MARCHF1: variants seen among roughly 807,000 people sequenced by gnomAD.
The protein encoded by MARCHF1 is E3 ubiquitin-protein ligase MARCHF1.
In MARCHF1, 40 loss-of-function variants were observed where a neutral mutation model predicts 54.2. The observed-to-expected ratio is 0.74, with a 90% CI of 0.57 to 0.96. The LOEUF (loss-of-function observed/expected upper bound fraction) is 0.96. Among genes scored for constraint, MARCHF1 ranks in the 40% least tolerant of loss-of-function variants. MARCHF1 has a pLI of 0.00. For missense variants in MARCHF1, 586 were observed against 656.5 expected (o/e 0.89, Z 1.17); for synonymous variants, 236 against 236.3 (o/e 1.00, Z 0.01).
chr4:164,315,917 G>A (rs182479092), intron 1 of MARCHF1, among the ~76,000 whole-genome samples: 1 of 152,274 alleles, frequency 6.6e-6, no homozygotes, highest in Admixed American at 6.5e-5. Flanking sequence ...ATACAGAGTA[G>A]AGGTTATGAG....
chr4:163,850,083 G>A (rs777479161), intron 4 of MARCHF1, among the ~76,000 whole-genome samples: 2 of 152,180 alleles, frequency 1.3e-5, no homozygotes, highest in Non-Finnish European at 2.9e-5. Context: ...TGTTTATCCT[G>A]TTTCTGTCAG....
At chr4:164,234,612 T>A (rs1265203352) in intron 1 of MARCHF1, among the ~76,000 whole-genome samples, 1 of 152,170 alleles carries the variant, frequency 6.6e-6, no homozygotes, top group East Asian at 1.9e-4. Context: ...TGAAATCTTA[T>A]AATGGATTGA....
chr4:163,639,675 C>A (rs1742483153), intron 5 of MARCHF1, among the ~76,000 whole-genome samples: 1 of 152,080 alleles, frequency 6.6e-6, no homozygotes, highest in Non-Finnish European at 1.5e-5. Flanking sequence ...GCTTGTCTAC[C>A]AGGTCTTTGT....
At chr4:164,199,673 C>CAG (rs1288691654) in intron 1 of MARCHF1, among the ~76,000 whole-genome samples, 390 of 60,580 alleles carry the variant, frequency 6.4e-3, no homozygotes, top group Middle Eastern at 0.021. Context: ...CACACACACA[C>CAG]ACACACACAG....
chr4:164,244,295 T>C (rs1290534556), intron 1 of MARCHF1, among the ~76,000 whole-genome samples: 1 of 152,028 alleles, frequency 6.6e-6, no homozygotes, highest in Admixed American at 6.6e-5. Context: ...AACTCAGGAT[T>C]AAGAATCTCA....
intron 1 of MARCHF1, among the ~76,000 whole-genome samples, chr4:164,157,608 A>G (rs1301453250): frequency 1.3e-5 from 2 of 152,142 alleles, no homozygotes; most frequent in Admixed American, 1.3e-4. Context: ...CCTGTAGGGG[A>G]GTCCTACTTT....
chr4:163,758,140 C>T (rs974419964), intron 4 of MARCHF1, among the ~76,000 whole-genome samples: 14 of 151,790 alleles, frequency 9.2e-5, no homozygotes, highest in African/African-American at 3.4e-4. Context: ...ATTTTAATTC[C>T]AAAACAAATA....
rs534951052 is a variant in MARCHF1, at chr4:164,143,405, T to C, written c.-322-31743A>G. ...CAAAGTTGAAATGAAGGAAAAAATG[T>C]TAAGGGCAGCCAGAGAGAAAGGTCG... On this transcript the variant is annotated intron_variant, in intron 1 of 9. Transcript: ENST00000514618. 2.4e-4 allele frequency among the ~76,000 whole-genome samples: 36 copies of C among 149,006 alleles called. No homozygotes were observed. In the South Asian group the frequency reaches 6.8e-3, roughly 28 times the overall value.
chr4:164,063,580 A>G (rs566163698), intron 2 of MARCHF1, among the ~76,000 whole-genome samples: 58 of 152,338 alleles, frequency 3.8e-4, no homozygotes, highest in African/African-American at 1.3e-3. Flanking sequence ...AAGTAGCTCT[A>G]TTTGTCATCT....
intron 2 of MARCHF1, among the ~76,000 whole-genome samples, chr4:164,049,672 C>T (rs1226570149): frequency 6.6e-6 from 1 of 151,976 alleles, no homozygotes; most frequent in Non-Finnish European, 1.5e-5. Context: ...TAAGAATCAT[C>T]AATATCATTT....
rs146907141 is a variant in MARCHF1, at chr4:163,550,482, C to A, written c.1192-4739G>T. Reference sequence around the variant, plus strand: ...AAATTACCACCAGGTGGCGCCAGGCCCAAACAGTAGCTAGTACGGTAGCCC... The same window carrying A: ...AAATTACCACCAGGTGGCGCCAGGCACAAACAGTAGCTAGTACGGTAGCCC... On this transcript the variant is annotated intron_variant, in intron 8 of 9. Transcript: ENST00000514618. Among the ~76,000 whole-genome samples the A allele has an allele frequency of 1.9e-4, 28 of 148,874 alleles. No homozygotes were observed. The East Asian group carries it at 5.6e-3, about 30-fold the overall frequency.
chr4:163,700,916 A>G (rs897432843), intron 4 of MARCHF1, 53 bp from the exon 5 acceptor site: 2 of 1,250,188 alleles, frequency 1.6e-6, no homozygotes, highest in East Asian at 5.1e-5. Flanking sequence ...TACTTTCACC[A>G]TACTGTACCA....
chr4:163,972,601 C>A (rs1462568513), intron 3 of MARCHF1, among the ~76,000 whole-genome samples: 2 of 152,066 alleles, frequency 1.3e-5, no homozygotes, highest in East Asian at 3.9e-4. Flanking sequence ...GGCTGGAGTG[C>A]AGTGGCGCGA....
chr4:164,262,107 GAAAAAA>G (rs1184867700), intron 1 of MARCHF1, among the ~76,000 whole-genome samples: 16,351 of 72,294 alleles, frequency 0.23, 1,464 homozygotes, highest in African/African-American at 0.38. Flanking sequence ...CCTATCTTAA[GAAAAAA>G]AAAAAAAAAA....
At chr4:164,059,838 A>G (rs1199869272) in intron 2 of MARCHF1, among the ~76,000 whole-genome samples, 1 of 152,122 alleles carries the variant, frequency 6.6e-6, no homozygotes, top group Non-Finnish European at 1.5e-5. Context: ...ATTTGATTAG[A>G]TTTCATCTTA....
At chr4:163,801,128 C>G (rs1447391762) in intron 4 of MARCHF1, among the ~76,000 whole-genome samples, 2 of 152,044 alleles carry the variant, frequency 1.3e-5, no homozygotes, top group African/African-American at 4.8e-5. Context: ...GTGATATCAT[C>G]ATGACGGCAC....
chr4:163,991,004 T>A (rs904236486), intron 2 of MARCHF1, among the ~76,000 whole-genome samples: 1 of 152,200 alleles, frequency 6.6e-6, no homozygotes, highest in Non-Finnish European at 1.5e-5. Context: ...TATGAGGTTA[T>A]CCTTTGTTTG....
chr4:164,269,360 T>C (rs1733687214), intron 1 of MARCHF1, among the ~76,000 whole-genome samples: 2 of 152,052 alleles, frequency 1.3e-5, no homozygotes, highest in South Asian at 2.1e-4. Flanking sequence ...ACAAGAACAC[T>C]TGCCTAGCAA....
At chr4:164,015,281 C>T (rs1178534146) in intron 2 of MARCHF1, among the ~76,000 whole-genome samples, 1 of 152,126 alleles carries the variant, frequency 6.6e-6, no homozygotes, top group Non-Finnish European at 1.5e-5. Context: ...ACCCTTATCT[C>T]TCACCATGTA....
Sources: gnomAD v4.1 joint callset for allele counts (sites outside exome capture counted in the v4.1 genomes callset) on GRCh38, gnomAD v4.1.1 for gene constraint, MANE v1.5 for transcripts, NCBI Gene and HGNC (gene_info 2026-07-23, HGNC 2026-07-21) for gene names.